The following FLNB variants were observed in gnomAD, a reference collection of about 807,000 sequenced individuals.
FLNB encodes filamin B.
Under a neutral mutation model 250.6 loss-of-function variants are expected in FLNB, and 111 were observed. The observed-to-expected ratio is 0.44, with a 90% CI of 0.38 to 0.52. The LOEUF is 0.52. Ranked by LOEUF, FLNB falls within the 20% of genes least tolerant of loss-of-function variation. FLNB has a pLI of 0.00. For missense variants in FLNB, 2,869 were observed against 3,447.8 expected, an observed-to-expected ratio of 0.83 and a Z score of 4.20; for synonymous variants, 1,302 against 1,372.1, an observed-to-expected ratio of 0.95 and a Z score of 1.13.
chr3:58,112,458 CTTT>C (rs2097270514), intron 18 of FLNB, 140 bp downstream of exon 18: 1 of 814,970 alleles, frequency 1.2e-6, no homozygotes, highest in Non-Finnish European at 2.1e-6. Context: ...GCTCCTGGCA[CTTT>C]GAACCCCTCT....
Position 58,095,280 on chromosome 3 carries a change from G to C in FLNB, c.906+326G>C, listed in dbSNP as rs111326930. Reference sequence around the variant, plus strand: ...ATTGAGACAGAGTTTCACTCCTGTTGCCCGGGTTGGAGTGCAGTGGCACAA... The same window carrying C: ...ATTGAGACAGAGTTTCACTCCTGTTCCCCGGGTTGGAGTGCAGTGGCACAA... On this transcript the variant is annotated intron_variant, in intron 5 of 45. Coordinates refer to ENST00000295956, the MANE Select transcript of FLNB (RefSeq NM_001457.4). 0.069 allele frequency among the ~76,000 whole-genome samples: 10,307 copies of C among 149,848 alleles called. 431 individuals carry two copies. Among genetic ancestry groups the C allele is most frequent in the Admixed American group, 0.096 (1,455 of 15,112 alleles).
intron 38 of FLNB, chr3:58,152,750 G>A: frequency 2.2e-6 from 3 of 1,339,886 alleles, no homozygotes; most frequent in African/African-American, 1.5e-5. Context: ...CTGTGGGGCT[G>A]GAGGGTGCAG....
At chr3:58,149,196 G>T (rs2097340851) in intron 36 of FLNB, 1 of 363,654 alleles carries the variant, frequency 2.7e-6, no homozygotes, top group Non-Finnish European at 5.3e-6. Context: ...ATGTTGGGTT[G>T]ATTGGCCAAG....
chr3:58,072,856 C>A (rs2097196585), intron 1 of FLNB, among the ~76,000 whole-genome samples: 2 of 152,158 alleles, frequency 1.3e-5, no homozygotes, highest in South Asian at 4.1e-4. Context: ...TCATATTTCC[C>A]CCAAAATCTT....
chr3:58,123,011 T>A (rs2097291675), intron 20 of FLNB, 82 bp from the exon 21 acceptor site: 1 of 1,263,896 alleles, frequency 7.9e-7, no homozygotes, highest in African/African-American at 1.5e-5. Flanking sequence ...ACTTCCATGC[T>A]GATTATATGC....
intron 13 of FLNB, 96 bp downstream of exon 13, chr3:58,108,667 C>T: frequency 2.6e-6 from 2 of 763,598 alleles, no homozygotes; most frequent in Non-Finnish European, 4.7e-6. Context: ...CTTCAGTTTC[C>T]TCATCTGCAC....
chr3:58,146,087 T>C lies in FLNB; in HGVS notation c.5554+38T>C, dbSNP rs897106356. The stretch of plus-strand genomic sequence containing the variant: ...TTACGTGTTTATACGCCTCCAGCTG[T>C]CCATTTGGAGGGTGAAGTGGACACG... On this transcript the variant is annotated intron_variant, in intron 33 of 45. Transcript: ENST00000295956. 1.9e-6 allele frequency: 3 copies of C among 1,612,524 alleles called. No homozygotes were observed. In the African/African-American group the frequency reaches 4.0e-5, roughly 22 times the overall value.
intron 11 of FLNB, 106 bp from the exon 12 acceptor site, chr3:58,106,573 TG>T: frequency 2.0e-6 from 2 of 1,021,464 alleles, no homozygotes; most frequent in Non-Finnish European, 3.1e-6. Context: ...TTCAATCTTC[TG>T]GCCAACACTT....
At chr3:58,079,838 T>G (rs986972532) in intron 3 of FLNB, among the ~76,000 whole-genome samples, 1 of 152,172 alleles carries the variant, frequency 6.6e-6, no homozygotes, top group African/African-American at 2.4e-5. Flanking sequence ...GCCAGTGCCA[T>G]GGGACTGATG....
At position 58,038,479 on chromosome 3, in the gene FLNB, C is replaced by A. The variant is rs571113698; in HGVS notation, c.292+29623C>A. On this transcript the variant is annotated intron_variant, in intron 1 of 45. Transcript: ENST00000295956. ...CTGAGTTGGGGGTCTCGCTCTGTTG[C>A]CCAGGCTGGAGTACGACCACTATAA... 1.5e-4 allele frequency among the ~76,000 whole-genome samples: 23 copies of A among 151,182 alleles called. 1 individual carries two copies. The South Asian group carries it at 4.8e-3, about 31-fold the overall frequency.
intron 1 of FLNB, among the ~76,000 whole-genome samples, chr3:58,056,163 A>G (rs111696287): frequency 0.012 from 1,777 of 149,824 alleles, 35 homozygotes; most frequent in East Asian, 0.056. Flanking sequence ...GTGCAGTGGC[A>G]TGATCTCGGC....
chr3:58,080,604 C>G (rs1293322646), intron 3 of FLNB, among the ~76,000 whole-genome samples: 1 of 150,912 alleles, frequency 6.6e-6, no homozygotes, highest in Non-Finnish European at 1.5e-5. Context: ...AAGCGATTCT[C>G]CTGTCTCAGC....
At chr3:58,138,628 T>A in intron 29 of FLNB, 99 bp downstream of exon 29, 6 of 1,513,910 alleles carry the variant, frequency 4.0e-6, no homozygotes, top group Non-Finnish European at 5.5e-6. Flanking sequence ...TCACCTTTTT[T>A]TTCCTTTGGA....
chr3:58,145,645 G>A (rs2097334584), intron 32 of FLNB, among the ~76,000 whole-genome samples: 1 of 152,066 alleles, frequency 6.6e-6, no homozygotes, highest in East Asian at 1.9e-4. Flanking sequence ...GTCAGGTTGG[G>A]CTGGTACCTT....
intron 42 of FLNB, chr3:58,162,780 T>A (rs530429669): frequency 6.5e-6 from 2 of 306,278 alleles, no homozygotes; most frequent in South Asian, 6.2e-5. Flanking sequence ...TGTATCATCA[T>A]TTTAGTGGAA....
At position 58,146,025 on chromosome 3, in the gene FLNB, A is replaced by G. The variant is rs2107262429; in HGVS notation, c.5530A>G (p.Ile1844Val). 1 of 1,614,208 alleles carries G rather than the reference A, an allele frequency of 6.2e-7. No individual in the cohort carries two copies. Among genetic ancestry groups the G allele is most frequent in the Non-Finnish European group, 8.5e-7 (1 of 1,180,030 alleles). Residue 1844 changes from isoleucine (I) to valine (V), a missense_variant, in exon 33 of 46, where the codon ATC (isoleucine) becomes GTC (valine). By Grantham distance (29) the Ile-to-Val change is conservative. Around this residue, in one of 5 missense-constraint regions of FLNB, gnomAD observed 1,084 missense variants for 1,315.5 expected, o/e 0.82. Coordinates refer to ENST00000295956, the MANE Select transcript of FLNB (RefSeq NM_001457.4). Reference sequence around the variant, plus strand: ...GGCCAACAAAACTGCCACCTTCACCATCGTCACAGAGGATGCAGGAGAAGG... The same window carrying G: ...GGCCAACAAAACTGCCACCTTCACCGTCGTCACAGAGGATGCAGGAGAAGG... Reference protein sequence around the residue: ...GVANKTATFTIVTEDAGEGGL... With the variant: ...GVANKTATFTVVTEDAGEGGL...
chr3:58,077,293 A>G lies in FLNB; in HGVS notation c.540A>G (p.Pro180=), dbSNP rs1336731676. The G allele has an allele frequency of 2.5e-6, 4 of 1,613,826 alleles. No individual in the cohort carries two copies. The highest frequency in any genetic ancestry group is 2.5e-6 in the Non-Finnish European group (3 of 1,179,912). ...GAGCCCTGGTAGACAGCTGTGCTCC[A>G]GGTAAGTGGCCAGGGCTGCCTAAAC... The part of the protein sequence containing the change: ...ALGALVDSCA[P]GLCPDWESWD... Residue 180 remains proline (P), a splice_region_variant and synonymous_variant, in exon 2 of 46, where the codon CCA becomes CCG. Coordinates refer to ENST00000295956, the MANE Select transcript of FLNB (RefSeq NM_001457.4).
At chr3:58,018,327 CTTTT>C (rs60851192) in intron 1 of FLNB, among the ~76,000 whole-genome samples, 31 of 63,234 alleles carry the variant, frequency 4.9e-4, no homozygotes, top group African/African-American at 2.0e-3. Context: ...TATTCATTGA[CTTTT>C]TTTTTTTTTT....
At chr3:58,055,927 C>A (rs2097169644) in intron 1 of FLNB, among the ~76,000 whole-genome samples, 1 of 152,010 alleles carries the variant, frequency 6.6e-6, no homozygotes, top group African/African-American at 2.4e-5. Context: ...TATCATGTAG[C>A]AATGGCATAA....
Sources: allele counts gnomAD v4.1 joint callset (sites outside exome capture counted in the v4.1 genomes callset), GRCh38; gene constraint gnomAD v4.1.1; regional missense constraint gnomAD v4.1.1; transcripts MANE v1.5; gene names NCBI Gene and HGNC (gene_info 2026-07-23, HGNC 2026-07-21).